The following PIWIL2 variants were observed in gnomAD, a reference collection of about 807,000 sequenced individuals.
The protein encoded by PIWIL2 is piwi-like protein 2.
Under a neutral mutation model 116.5 loss-of-function variants are expected in PIWIL2, and 81 were observed. The ratio of observed to expected loss-of-function variants is 0.70; its 90% confidence interval spans 0.58 to 0.84. PIWIL2 has a LOEUF of 0.84. Ranked by LOEUF, PIWIL2 falls within the 40% of genes least tolerant of loss-of-function variation. PIWIL2 has a pLI of 0.00. For synonymous variants in PIWIL2, 489 were observed against 429.5 expected (o/e 1.14, Z -1.71); for missense variants, 1,272 against 1,212.3 (o/e 1.05, Z -0.73).
Position 22,281,579 on chromosome 8 carries a change from G to C in PIWIL2, c.425+64G>C, listed in dbSNP as rs1830503718. 3 of 1,337,130 alleles carry C rather than the reference G, an allele frequency of 2.2e-6. No homozygotes were observed. The Admixed American group carries it at 7.7e-5, about 34-fold the overall frequency. 82.8% of individuals were successfully genotyped at this position (1,337,130 alleles called of 1,614,324 possible). A position where few individuals can be genotyped will look rare whatever the true frequency, so the allele number is the denominator to read the frequency against. On this transcript the variant is annotated intron_variant, in intron 4 of 22. Coordinates refer to ENST00000356766, the MANE Select transcript of PIWIL2 (RefSeq NM_018068.5). ...GATGGAATATCTCTGTAAGTTCAGAGAGCAACTCTAAGAAGAGTTGTGTCA... is the reference window on the plus strand; with the variant it reads ...GATGGAATATCTCTGTAAGTTCAGACAGCAACTCTAAGAAGAGTTGTGTCA...
chr8:22,315,828 A>G (rs555155263), intron 18 of PIWIL2, among the ~76,000 whole-genome samples: 1 of 152,356 alleles, frequency 6.6e-6, no homozygotes, highest in East Asian at 1.9e-4. Context: ...ACTTGGGACC[A>G]GAAGCATTTT....
intron 20 of PIWIL2, among the ~76,000 whole-genome samples, chr8:22,341,779 G>A (rs1832116498): frequency 6.6e-6 from 1 of 152,086 alleles, no homozygotes. Flanking sequence ...CCTCCTGGAA[G>A]TCCTAGCTAA....
chr8:22,329,950 T>C (rs1346844853), intron 20 of PIWIL2, among the ~76,000 whole-genome samples: 1 of 152,196 alleles, frequency 6.6e-6, no homozygotes, highest in Non-Finnish European at 1.5e-5. Flanking sequence ...TGGTGTCCCT[T>C]AGGCTTTGGG....
At chr8:22,309,769 A>T (rs1008376031) in intron 14 of PIWIL2, among the ~76,000 whole-genome samples, 192 bp from the exon 15 acceptor site, 4 of 152,220 alleles carry the variant, frequency 2.6e-5, no homozygotes, top group African/African-American at 4.8e-5. Context: ...TAATAATTTT[A>T]CCTATATAAA....
chr8:22,351,912 A>C (rs1466336243), intron 20 of PIWIL2, among the ~76,000 whole-genome samples: 1 of 151,890 alleles, frequency 6.6e-6, no homozygotes, highest in African/African-American at 2.4e-5. Flanking sequence ...ATCAAAACTG[A>C]ATTAAACTAA....
chr8:22,292,403 G>A (rs545665180), intron 10 of PIWIL2, among the ~76,000 whole-genome samples: 1 of 152,314 alleles, frequency 6.6e-6, no homozygotes, highest in East Asian at 1.9e-4. Flanking sequence ...CGATGGAGGT[G>A]GTAAGGAGTC....
chr8:22,335,055 C>CAA (rs35685695), intron 20 of PIWIL2, among the ~76,000 whole-genome samples: 2 of 50,148 alleles, frequency 4.0e-5, no homozygotes, highest in African/African-American at 1.3e-4. Context: ...ACTCTTGTCT[C>CAA]AAAAAAAAAA....
At chr8:22,323,216 C>G (rs572390291) in intron 20 of PIWIL2, among the ~76,000 whole-genome samples, 6 of 140,222 alleles carry the variant, frequency 4.3e-5, no homozygotes, top group African/African-American at 1.6e-4. Flanking sequence ...GGCACATTCT[C>G]GGCTCACTGC....
intron 13 of PIWIL2, among the ~76,000 whole-genome samples, chr8:22,307,616 A>G (rs1359170206): frequency 6.6e-6 from 1 of 151,046 alleles, no homozygotes; most frequent in East Asian, 2.0e-4. Flanking sequence ...CTGAGTAGCT[A>G]GGAGTACAGG....
At position 22,298,957 on chromosome 8, in the gene PIWIL2, G is replaced by C. The variant is rs150854657; in HGVS notation, c.1182-5064G>C. On this transcript the variant is annotated intron_variant, in intron 10 of 22. Coordinates refer to ENST00000356766, the MANE Select transcript of PIWIL2 (RefSeq NM_018068.5). ...CGTTGATTAGTTGGCTTGCAAAAGT[G>C]TGTTTGCTGAATAAATTGATGTAGA... Among the ~76,000 whole-genome samples the C allele has an allele frequency of 3.0e-3, 450 of 152,254 alleles. No homozygotes were observed. The South Asian group carries it at 0.043, about 14-fold the overall frequency.
At chr8:22,285,604 G>A (rs1215353238) in intron 6 of PIWIL2, among the ~76,000 whole-genome samples, 1 of 151,864 alleles carries the variant, frequency 6.6e-6, no homozygotes, top group East Asian at 1.9e-4. Context: ...GATCATATTA[G>A]TACTATTTTT....
At chr8:22,321,177 T>C (rs1360977665) in intron 20 of PIWIL2, among the ~76,000 whole-genome samples, 3 of 152,270 alleles carry the variant, frequency 2.0e-5, no homozygotes, top group South Asian at 2.1e-4. Context: ...ATAAATGTTC[T>C]CTGAATCAAA....
Position 22,281,288 on chromosome 8 carries a change from A to C in PIWIL2, c.286+81A>C, listed in dbSNP as rs577902538. 9.4e-4 allele frequency: 1,455 copies of C among 1,554,284 alleles called. 4 individuals are homozygous for C. Among genetic ancestry groups the C allele is most frequent in the Non-Finnish European group, 1.2e-3 (1,339 of 1,148,386 alleles). On this transcript the variant is annotated intron_variant, in intron 3 of 22. Transcript: ENST00000356766. ...AAATCCAAATGGTTTATTTTCAGAA[A>C]CGTAACTGTGCTTTTTTTAAAAAAA...
intron 20 of PIWIL2, among the ~76,000 whole-genome samples, chr8:22,325,757 T>G (rs1268415878): frequency 6.6e-6 from 1 of 152,176 alleles, no homozygotes; most frequent in African/African-American, 2.4e-5. Context: ...GTGCTGGGAT[T>G]ACAGGTGTGA....
At chr8:22,340,749 C>G (rs753588852) in intron 20 of PIWIL2, among the ~76,000 whole-genome samples, 6 of 152,060 alleles carry the variant, frequency 3.9e-5, no homozygotes, top group Non-Finnish European at 5.9e-5. Context: ...GACATAGAGT[C>G]TTTCTGTGTC....
chr8:22,345,824 T>C (rs1028719999), intron 20 of PIWIL2, among the ~76,000 whole-genome samples: 1 of 152,164 alleles, frequency 6.6e-6, no homozygotes, highest in Non-Finnish European at 1.5e-5. Context: ...ACGTTATGTT[T>C]AGTGAAATTT....
At chr8:22,330,132 TTTC>T (rs1323248518) in intron 20 of PIWIL2, among the ~76,000 whole-genome samples, 1 of 150,856 alleles carries the variant, frequency 6.6e-6, no homozygotes, top group Non-Finnish European at 1.5e-5. Context: ...TTCATTTTTC[TTTC>T]TTATTTCTTT....
chr8:22,331,126 A>G (rs1023094686), intron 20 of PIWIL2, among the ~76,000 whole-genome samples: 2 of 152,144 alleles, frequency 1.3e-5, no homozygotes, highest in African/African-American at 4.8e-5. Context: ...CAGTGAGCCA[A>G]GATTGTGCCA....
intron 18 of PIWIL2, among the ~76,000 whole-genome samples, chr8:22,315,881 C>A (rs1444179349): frequency 6.6e-6 from 1 of 152,010 alleles, no homozygotes; most frequent in African/African-American, 2.4e-5. Context: ...TGCTTGCATC[C>A]CAAATTCAAA....
Sources: gnomAD v4.1 joint callset for allele counts (sites outside exome capture counted in the v4.1 genomes callset) on GRCh38, gnomAD v4.1.1 for gene constraint, MANE v1.5 for transcripts, NCBI Gene and HGNC (gene_info 2026-07-23, HGNC 2026-07-21) for gene names.